EVI5: variants seen among roughly 807,000 people sequenced by gnomAD.
The protein encoded by EVI5 is ecotropic viral integration site 5 protein homolog.
In EVI5, 73 loss-of-function variants were observed where a neutral mutation model predicts 112.0. That is an observed-to-expected ratio of 0.65 (90% confidence interval 0.54 to 0.79). The LOEUF (loss-of-function observed/expected upper bound fraction) is 0.79, where lower values mean the gene tolerates loss of function less well. Ranked by LOEUF, EVI5 falls within the 30% of genes least tolerant of loss-of-function variation. The pLI, the probability that EVI5 is intolerant of heterozygous loss-of-function variation, is 0.00. For synonymous variants in EVI5, 305 were observed against 319.9 expected (o/e 0.95, Z 0.50); for missense variants, 900 against 968.8 (o/e 0.93, Z 0.94).
In EVI5 at chr1:92,770,769, G is replaced by A. The variant is rs143048739; in HGVS notation, c.-82+14067C>T. ...CGCGCCACTGAACTCCAGCCTGGGC[G>A]ACAGAGCGGGACTCCATCTCAAAAA... On this transcript the variant is annotated intron_variant, in intron 1 of 19. Transcript: ENST00000684568. 7.9e-5 allele frequency among the ~76,000 whole-genome samples: 12 copies of A among 151,844 alleles called. No individual in the cohort carries two copies. The East Asian group carries it at 1.9e-3, about 25-fold the overall frequency.
intron 1 of EVI5, among the ~76,000 whole-genome samples, chr1:92,784,019 T>C (rs537225029): frequency 6.6e-6 from 1 of 152,318 alleles, no homozygotes; most frequent in South Asian, 2.1e-4. Context: ...TATTCAACAC[T>C]GTAACCCAAA....
chr1:92,621,096 T>C (rs945710473), intron 16 of EVI5, among the ~76,000 whole-genome samples: 1 of 151,924 alleles, frequency 6.6e-6, no homozygotes, highest in East Asian at 1.9e-4. Context: ...TCTTGAAAGA[T>C]GTATAAATAA....
chr1:92,788,257 C>A (rs560775988), upstream of EVI5, among the ~76,000 whole-genome samples: 10 of 150,432 alleles, frequency 6.6e-5, no homozygotes, highest in African/African-American at 2.4e-4. Flanking sequence ...ATTGCCCGAG[C>A]GGAAGAGTTC....
At chr1:92,591,203 A>C (rs922817316) in intron 18 of EVI5, among the ~76,000 whole-genome samples, 22 of 152,226 alleles carry the variant, frequency 1.4e-4, no homozygotes, top group African/African-American at 5.3e-4. Context: ...AAACTGCATC[A>C]ACTAACGAGC....
At chr1:92,652,435 T>C (rs1399527300) in intron 13 of EVI5, among the ~76,000 whole-genome samples, 1 of 152,174 alleles carries the variant, frequency 6.6e-6, no homozygotes, top group Non-Finnish European at 1.5e-5. Context: ...GGCTGCACAA[T>C]ATTATAAATG....
chr1:92,584,019 G>C (rs916809204), intron 18 of EVI5, among the ~76,000 whole-genome samples: 1 of 152,096 alleles, frequency 6.6e-6, no homozygotes, highest in African/African-American at 2.4e-5. Context: ...TCCGGGAGTA[G>C]TATTACAGAA....
intron 1 of EVI5, among the ~76,000 whole-genome samples, chr1:92,778,060 C>A (rs1684385803): frequency 6.6e-6 from 1 of 152,094 alleles, no homozygotes; most frequent in African/African-American, 2.4e-5. Flanking sequence ...AGGCGCACGC[C>A]ACCACGCACA....
intron 1 of EVI5, among the ~76,000 whole-genome samples, chr1:92,776,040 G>A (rs1158372102): frequency 4.6e-5 from 7 of 151,400 alleles, no homozygotes; most frequent in African/African-American, 1.7e-4. Context: ...CCCGGGAGGC[G>A]GAGGTTGCAG....
chr1:92,770,840 T>C (rs1183588622), intron 1 of EVI5, among the ~76,000 whole-genome samples: 1 of 151,596 alleles, frequency 6.6e-6, no homozygotes, highest in Non-Finnish European at 1.5e-5. Context: ...TGTTTGTTTG[T>C]TTTTTCGATC....
rs752490054 is a variant in EVI5 at position 92,636,258 on chromosome 1, C to T, written c.1471G>A (p.Ala491Thr). 3 of 1,613,048 alleles carry T rather than the reference C, an allele frequency of 1.9e-6. No homozygotes were observed. Among genetic ancestry groups the T allele is most frequent in the Non-Finnish European group, 2.5e-6 (3 of 1,179,050 alleles). ...KELVQARLSE[A>T]ESQCALKEMQ... ...TCTTTTAATGCACACTGAGACTCAG[C>T]TTCACTCAGTCGGGCTTGGACCAAT... Residue 491 changes from alanine to threonine, a missense_variant, in exon 14 of 20, where the codon GCT (alanine) becomes ACT (threonine). Physicochemically the swap from Ala to Thr is moderately conservative, Grantham distance 58 (BLOSUM62 0). Coordinates refer to ENST00000684568, the MANE Select transcript of EVI5 (RefSeq NM_001350197.2).
intron 14 of EVI5, among the ~76,000 whole-genome samples, chr1:92,628,180 T>C (rs990001530): frequency 6.6e-6 from 1 of 152,240 alleles, no homozygotes; most frequent in East Asian, 1.9e-4. Flanking sequence ...TTGATGAGAT[T>C]GTTTTCGTCT....
At chr1:92,607,233 C>G (rs6701130) in intron 17 of EVI5, among the ~76,000 whole-genome samples, 140,148 of 152,186 alleles carry the variant, frequency 0.92, 64,619 homozygotes, top group East Asian at 0.97. Context: ...AGCAGAGGAG[C>G]CCTAACCTCT....
intron 1 of EVI5, among the ~76,000 whole-genome samples, chr1:92,779,274 G>C (rs1684554661): frequency 6.6e-6 from 1 of 152,192 alleles, no homozygotes; most frequent in South Asian, 2.1e-4. Flanking sequence ...TGTAGTCCTA[G>C]CACTTTGGGA....
intron 1 of EVI5, among the ~76,000 whole-genome samples, chr1:92,745,845 A>G (rs1431406378): frequency 2.0e-5 from 3 of 152,238 alleles, no homozygotes; most frequent in African/African-American, 7.2e-5. Flanking sequence ...ATATTCCTGT[A>G]GGTCAAAGAC....
chr1:92,653,654 G>A (rs777326978), intron 13 of EVI5, among the ~76,000 whole-genome samples: 1 of 152,146 alleles, frequency 6.6e-6, no homozygotes, highest in African/African-American at 2.4e-5. Flanking sequence ...GGTCTTACTG[G>A]CAATCAGTCC....
intron 2 of EVI5, among the ~76,000 whole-genome samples, chr1:92,730,683 C>CAAAAAAA (rs1226099468): frequency 3.3e-5 from 2 of 59,722 alleles, no homozygotes; most frequent in Admixed American, 1.7e-4. Context: ...CCTTCTCTCA[C>CAAAAAAA]AAAAAAAAAA....
chr1:92,736,487 T>A lies in EVI5; in HGVS notation c.60A>T (p.Thr20=). 1 of 1,613,884 alleles carries A rather than the reference T, an allele frequency of 6.2e-7. No homozygotes were observed. Among genetic ancestry groups the A allele is most frequent in the Non-Finnish European group, 8.5e-7 (1 of 1,179,882 alleles). The stretch of plus-strand genomic sequence containing the variant: ...ATGGTGAAAGGGCTGGTGTTGATAG[T>A]GTGGTAGATGAGGATGTGGTATGTA... The part of the protein sequence containing the change: ...TSLHTTSSST[T]LSTPALSPSS... The change falls in exon 2 of 20, where the codon ACA becomes ACT. Residue 20 remains threonine (T), a synonymous_variant. Coordinates refer to ENST00000684568, the MANE Select transcript of EVI5 (RefSeq NM_001350197.2).
chr1:92,773,197 C>CAAAA (rs34570423), intron 1 of EVI5, among the ~76,000 whole-genome samples: 2 of 131,712 alleles, frequency 1.5e-5, no homozygotes, highest in Non-Finnish European at 1.6e-5. Flanking sequence ...CAGGCTGTCT[C>CAAAA]AAAAAAAAAA....
intron 13 of EVI5, among the ~76,000 whole-genome samples, chr1:92,641,604 T>G (rs1322771133): frequency 6.6e-6 from 1 of 152,202 alleles, no homozygotes; most frequent in Non-Finnish European, 1.5e-5. Context: ...ATGGCACATT[T>G]GGACCGCCAT....
Sources: allele counts gnomAD v4.1 joint callset (sites outside exome capture counted in the v4.1 genomes callset), GRCh38; gene constraint gnomAD v4.1.1; transcripts MANE v1.5; gene names NCBI Gene and HGNC (gene_info 2026-07-23, HGNC 2026-07-21).